Variants in PKHD1 observed in about 807,000 individuals in gnomAD.
PKHD1 encodes the protein PKHD1 ciliary IPT domain containing fibrocystin/polyductin, also known as fibrocystin.
PKHD1 carries 291 observed loss-of-function variants against 412.0 expected under a neutral mutation model. That is an observed-to-expected ratio of 0.71 (90% CI 0.64 to 0.78). The LOEUF (loss-of-function observed/expected upper bound fraction) is 0.78. PKHD1 is among the 30% of genes least tolerant of loss of function. The pLI is 0.00. For synonymous variants in PKHD1, 1,777 were observed against 1,821.5 expected (o/e 0.98, Z 0.62); for missense variants, 4,825 against 4,950.7 (o/e 0.97, Z 0.76).
At position 52,024,625 on chromosome 6, in the gene PKHD1, C is replaced by T; in HGVS notation, c.5185G>A (p.Ala1729Thr). The T allele has an allele frequency of 6.2e-7, 1 of 1,614,186 alleles. No individual in the cohort carries two copies. Among genetic ancestry groups the T allele is most frequent in the Non-Finnish European group, 8.5e-7 (1 of 1,180,022 alleles). ...ATAACTCTTGAGGTGAACACCAGGGCAGATGAGGCCCACCCTCTGATGCAG... is the reference window on the plus strand; with the variant it reads ...ATAACTCTTGAGGTGAACACCAGGGTAGATGAGGCCCACCCTCTGATGCAG... ...YDCIRGWASS[A>T]LVFTSRVIIT... Residue 1729 changes from alanine to threonine, a missense_variant, in exon 32 of 67, where the codon GCC (alanine) becomes ACC (threonine). Ala to Thr is a moderately conservative substitution (Grantham distance 58). Coordinates refer to ENST00000371117, the MANE Select transcript of PKHD1 (RefSeq NM_138694.4).
intron 44 of PKHD1, 34 bp downstream of exon 44, chr6:51,887,099 C>T (rs1562534925): frequency 7.6e-7 from 1 of 1,316,856 alleles, no homozygotes. Flanking sequence ...AATCATAAGA[C>T]AGCCAAAACA....
In PKHD1 at chr6:51,748,320, G is replaced by A; in HGVS notation, c.9296C>T (p.Ser3099Leu). ...TCGGATGTGAAAGCCAAGTCTCTCT[G>A]ATCCTGCCACAACGTTGCCATGGAG... is the stretch of plus-strand genomic sequence containing the variant. ...INLHGNVVAG[S>L]ERLGFHIRGH... is the part of the protein sequence containing the mutation. The change falls in exon 58 of 67, where the codon TCA (serine) becomes TTA (leucine). Residue 3099 changes from serine to leucine, a missense_variant. Ser to Leu is a moderately radical substitution (Grantham distance 145). Transcript: ENST00000371117. The A allele has an allele frequency of 6.2e-7, 1 of 1,614,034 alleles. No homozygotes were observed. Among genetic ancestry groups the A allele is most frequent in the African/African-American group, 1.3e-5 (1 of 75,002 alleles).
intron 43 of PKHD1, among the ~76,000 whole-genome samples, chr6:51,902,494 C>A: frequency 6.6e-6 from 1 of 152,072 alleles, no homozygotes; most frequent in East Asian, 1.9e-4. Flanking sequence ...GTGCTTGGAA[C>A]AAACATAATT....
At chr6:51,716,193 T>C (rs1781234983) in intron 60 of PKHD1, among the ~76,000 whole-genome samples, 1 of 152,210 alleles carries the variant, frequency 6.6e-6, no homozygotes, top group Non-Finnish European at 1.5e-5. Flanking sequence ...GACCAAAAGC[T>C]AGAATGTTCT....
intron 49 of PKHD1, among the ~76,000 whole-genome samples, chr6:51,848,601 A>G (rs1583017339): frequency 6.6e-6 from 1 of 152,304 alleles, no homozygotes; most frequent in East Asian, 1.9e-4. Flanking sequence ...GGCACACCCT[A>G]CTGTTTTCAC....
intron 52 of PKHD1, among the ~76,000 whole-genome samples, chr6:51,798,828 T>C (rs920798615): frequency 6.6e-6 from 1 of 152,186 alleles, no homozygotes; most frequent in African/African-American, 2.4e-5. Context: ...TTAAACCTGA[T>C]TGTACAAAAC....
rs1204096581 is a variant in PKHD1, at chr6:51,617,820, G to T, written c.*1261C>A. ...TTAGAATTCAGCAATGAAAGAGTGTGTTTCCTTTCTCTCTTCCAATGCAAC... is the reference window on the plus strand; with the variant it reads ...TTAGAATTCAGCAATGAAAGAGTGTTTTTCCTTTCTCTCTTCCAATGCAAC... On this transcript the variant is annotated 3_prime_UTR_variant, in exon 67 of 67. Transcript: ENST00000371117. The T allele has an allele frequency of 6.6e-6, 1 of 152,012 alleles. No individual in the cohort carries two copies. The highest frequency in any genetic ancestry group is 2.4e-5 in the African/African-American group (1 of 41,388). The allele number at this position is 152,012 out of a possible 1,614,324, so 9.4% of individuals were successfully genotyped here. A position where few individuals can be genotyped will look rare whatever the true frequency, so the allele number is the denominator to read the frequency against.
In PKHD1 at chr6:52,017,503, T is replaced by TA; in HGVS notation, c.5506dup (p.Tyr1836LeufsTer34). ...GGAACTTTCCTCGCAAATGTAGAGG[T>TA]AAGGCCACGATTCAAGCAGTTGCTC... is the stretch of plus-strand genomic sequence containing the variant. On this transcript the variant is annotated frameshift_variant, in exon 34 of 67. Coordinates refer to ENST00000371117, the MANE Select transcript of PKHD1 (RefSeq NM_138694.4). LOFTEE classifies it high-confidence loss of function. 6.2e-7 allele frequency: 1 copy of TA among 1,613,940 alleles called. No homozygotes were observed. The highest frequency in any genetic ancestry group is 1.1e-5 in the South Asian group (1 of 91,066).
chr6:51,860,444 T>C (rs1774003205), intron 48 of PKHD1, among the ~76,000 whole-genome samples: 1 of 152,208 alleles, frequency 6.6e-6, no homozygotes, highest in Non-Finnish European at 1.5e-5. Context: ...CAATTTTCAC[T>C]TGCCCTAAAT....
intron 36 of PKHD1, among the ~76,000 whole-genome samples, chr6:51,945,009 C>T (rs1447695717): frequency 6.6e-6 from 1 of 152,210 alleles, no homozygotes; most frequent in Non-Finnish European, 1.5e-5. Flanking sequence ...GCTTACCAGA[C>T]TTCCAAAGGA....
At chr6:51,680,953 G>A (rs772233578) in intron 60 of PKHD1, among the ~76,000 whole-genome samples, 4 of 151,992 alleles carry the variant, frequency 2.6e-5, no homozygotes, top group Non-Finnish European at 5.9e-5. Context: ...TAAATATACA[G>A]TTAAAAATCG....
At chr6:51,847,309 C>A (rs1236938574) in intron 50 of PKHD1, among the ~76,000 whole-genome samples, 1 of 148,402 alleles carries the variant, frequency 6.7e-6, no homozygotes, top group Non-Finnish European at 1.5e-5. Flanking sequence ...ACTTTGCTGC[C>A]CTGGCTGGTC....
chr6:51,885,675 T>C (rs574290999), intron 45 of PKHD1, among the ~76,000 whole-genome samples, 192 bp downstream of exon 45: 57 of 152,338 alleles, frequency 3.7e-4, no homozygotes, highest in South Asian at 6.2e-4. Context: ...TGACTAGGAA[T>C]TTGTTTAACA....
intron 2 of PKHD1, among the ~76,000 whole-genome samples, chr6:52,083,515 T>C (rs1812336526): frequency 6.6e-6 from 1 of 152,174 alleles, no homozygotes; most frequent in South Asian, 2.1e-4. Context: ...TGACAAATTC[T>C]TCTTATCTTA....
chr6:51,669,289 C>T (rs866377053), intron 60 of PKHD1, among the ~76,000 whole-genome samples: 60 of 152,220 alleles, frequency 3.9e-4, no homozygotes, highest in African/African-American at 1.2e-3. Flanking sequence ...GTGTATGTGT[C>T]GAGGAATTTA....
intron 65 of PKHD1, among the ~76,000 whole-genome samples, chr6:51,628,946 C>T (rs1258034404): frequency 1.3e-5 from 2 of 152,120 alleles, no homozygotes; most frequent in African/African-American, 4.8e-5. Context: ...ACAAAGCCAA[C>T]AATAACAAGC....
At chr6:51,922,109 G>A (rs1237276659) in intron 37 of PKHD1, among the ~76,000 whole-genome samples, 1 of 152,198 alleles carries the variant, frequency 6.6e-6, no homozygotes, top group Non-Finnish European at 1.5e-5. Context: ...AACAGATGGG[G>A]TTTTGGTGTG....
intron 65 of PKHD1, among the ~76,000 whole-genome samples, chr6:51,628,563 A>G (rs1230303547): frequency 2.0e-5 from 3 of 152,148 alleles, no homozygotes; most frequent in Admixed American, 6.6e-5. Context: ...CTTTTGGTAG[A>G]CTGATTTATA....
chr6:51,890,254 T>C (rs979736015), intron 43 of PKHD1, among the ~76,000 whole-genome samples: 6 of 151,926 alleles, frequency 3.9e-5, no homozygotes, highest in African/African-American at 1.2e-4. Flanking sequence ...AGTCCAAGTC[T>C]GGAAAAGTTA....
Sources: allele counts gnomAD v4.1 joint callset (sites outside exome capture counted in the v4.1 genomes callset), GRCh38; gene constraint gnomAD v4.1.1; transcripts MANE v1.5; gene names NCBI Gene and HGNC (gene_info 2026-07-23, HGNC 2026-07-21).